The following FMNL3 variants were observed in gnomAD, a reference collection of about 807,000 sequenced individuals.
The protein encoded by FMNL3 is formin like 3.
A neutral mutation model predicts 119.6 loss-of-function variants in FMNL3; 57 were observed. The ratio of observed to expected loss-of-function variants is 0.48; its 90% CI spans 0.39 to 0.59. The LOEUF is 0.59. Ranked by LOEUF, FMNL3 falls within the 20% of genes least tolerant of loss-of-function variation. The probability of loss-of-function intolerance (pLI) is 0.00; values close to 1 mark genes in which losing one functional copy is unlikely to be tolerated. For missense variants in FMNL3, 1,053 were observed against 1,323.5 expected (o/e 0.80, Z 3.17); for synonymous variants, 491 against 507.3 (o/e 0.97, Z 0.43).
chr12:49,702,488 C>T (rs1261253645), intron 1 of FMNL3, among the ~76,000 whole-genome samples: 1 of 152,118 alleles, frequency 6.6e-6, no homozygotes, highest in Non-Finnish European at 1.5e-5. Flanking sequence ...TTAGTCTTTT[C>T]TTCTTTCTGA....
chr12:49,702,565 A>G (rs919548882), intron 1 of FMNL3, among the ~76,000 whole-genome samples: 1 of 152,180 alleles, frequency 6.6e-6, no homozygotes, highest in Non-Finnish European at 1.5e-5. Context: ...AACAAAACAA[A>G]AAAACGCTGA....
intron 1 of FMNL3, among the ~76,000 whole-genome samples, chr12:49,681,286 C>T (rs1450192416): frequency 2.0e-5 from 3 of 152,020 alleles, no homozygotes; most frequent in African/African-American, 4.8e-5. Context: ...CTGCAAGCTC[C>T]GCCTCCCGGG....
intron 1 of FMNL3, among the ~76,000 whole-genome samples, chr12:49,693,636 G>C (rs10875965): frequency 3.2e-5 from 2 of 63,362 alleles, no homozygotes; most frequent in Non-Finnish European, 6.4e-5. Flanking sequence ...CCCAATCTTG[G>C]TTTTTTTTTT....
At chr12:49,675,489 A>G (rs1352701745) in intron 1 of FMNL3, among the ~76,000 whole-genome samples, 1 of 152,118 alleles carries the variant, frequency 6.6e-6, no homozygotes. Context: ...GGGGAGCCCA[A>G]TGGGCAGTGC....
intron 25 of FMNL3, 78 bp downstream of exon 25, chr12:49,646,808 G>C: frequency 1.9e-6 from 3 of 1,605,858 alleles, no homozygotes; most frequent in Non-Finnish European, 2.6e-6. Flanking sequence ...TGGGGTGGGA[G>C]GAGAGCCCAA....
chr12:49,675,414 C>A (rs2138911056), intron 1 of FMNL3, among the ~76,000 whole-genome samples: 1 of 152,306 alleles, frequency 6.6e-6, no homozygotes, highest in East Asian at 1.9e-4. Flanking sequence ...TGGGGCAGAG[C>A]CTCGCATTCT....
Position 49,648,315 on chromosome 12 carries a change from C to G in FMNL3, c.2554G>C (p.Gly852Arg). The G allele has an allele frequency of 6.2e-7, 1 of 1,613,520 alleles. No individual in the cohort carries two copies. Among genetic ancestry groups the G allele is most frequent in the African/African-American group, 1.3e-5 (1 of 75,006 alleles). Reference sequence around the variant, plus strand: ...CGCCGAATCAGCTCCATGCCCCGGCCCAGCTCCTTCACGTCCAGCAGCACG... The same window carrying G: ...CGCCGAATCAGCTCCATGCCCCGGCGCAGCTCCTTCACGTCCAGCAGCACG... Reference protein sequence around the residue: ...ENVLLDVKELGRGMELIRREC... With the variant: ...ENVLLDVKELRRGMELIRREC... The change falls in exon 22 of 26, where the codon GGC becomes CGC. Residue 852 changes from glycine (G) to arginine (R), a missense_variant. By Grantham distance (125) the Gly-to-Arg change is moderately radical. Coordinates refer to ENST00000335154, the MANE Select transcript of FMNL3 (RefSeq NM_175736.5).
intron 1 of FMNL3, among the ~76,000 whole-genome samples, chr12:49,686,578 C>CAAAAA (rs746062262): frequency 1.6e-5 from 1 of 61,902 alleles, no homozygotes; most frequent in Admixed American, 2.0e-4. Flanking sequence ...ACTTCATCTC[C>CAAAAA]AAAAAAAAAA....
chr12:49,666,540 G>A (rs1943895489), intron 2 of FMNL3, among the ~76,000 whole-genome samples: 1 of 152,186 alleles, frequency 6.6e-6, no homozygotes, highest in South Asian at 2.1e-4. Flanking sequence ...AGATATAATT[G>A]ATTGCGCTTG....
At position 49,658,445 on chromosome 12, in the gene FMNL3, A is replaced by AG; in HGVS notation, c.601dup (p.Leu201ProfsTer4). 6.2e-7 allele frequency: 1 copy of AG among 1,601,224 alleles called. No individual in the cohort carries two copies. Among genetic ancestry groups the AG allele is most frequent in the Non-Finnish European group, 8.5e-7 (1 of 1,172,382 alleles). On this transcript the variant is annotated frameshift_variant, in exon 6 of 26. Transcript: ENST00000335154. LOFTEE classifies it high-confidence loss of function. Reference sequence around the variant, plus strand: ...GGCAGAGCAAAAGCACACATACCGGAGCACAGACTGGCGCGCAGAGCGAGC... The same window carrying AG: ...GGCAGAGCAAAAGCACACATACCGGAGGCACAGACTGGCGCGCAGAGCGAGC...
chr12:49,647,138 C>A lies in FMNL3; in HGVS notation c.2872-129G>T, dbSNP rs1943228054. 2 of 1,558,494 alleles carry A rather than the reference C, an allele frequency of 1.3e-6. No individual in the cohort carries two copies. The highest frequency in any genetic ancestry group is 1.8e-6 in the Non-Finnish European group (2 of 1,141,400). On this transcript the variant is annotated intron_variant, in intron 24 of 25. Coordinates refer to ENST00000335154, the MANE Select transcript of FMNL3 (RefSeq NM_175736.5). The surrounding 1 kb of genome is among the most constrained non-coding windows in gnomAD (Gnocchi z 4.9). Reference sequence around the variant, plus strand: ...TAGGAATCCCCAAAGGCCCTCCCTCCATCCCTCTGGATGCCAGCCCACTGG... The same window carrying A: ...TAGGAATCCCCAAAGGCCCTCCCTCAATCCCTCTGGATGCCAGCCCACTGG...
chr12:49,644,222 G>C lies in FMNL3; in HGVS notation c.*1593C>G, dbSNP rs1468779154. 2 of 1,611,054 alleles carry C rather than the reference G, an allele frequency of 1.2e-6. No individual in the cohort carries two copies. Among genetic ancestry groups the C allele is most frequent in the Non-Finnish European group, 1.7e-6 (2 of 1,177,564 alleles). On this transcript the variant is annotated 3_prime_UTR_variant, in exon 26 of 26. Transcript: ENST00000335154. ...ATGAGCTGTTCTCTGCCTCGGGTCTGTGTGAGGCCATGGCTCCTGGGCCAC... is the reference window on the plus strand; with the variant it reads ...ATGAGCTGTTCTCTGCCTCGGGTCTCTGTGAGGCCATGGCTCCTGGGCCAC...
At chr12:49,702,726 C>T (rs1693056449) in intron 1 of FMNL3, among the ~76,000 whole-genome samples, 1 of 152,146 alleles carries the variant, frequency 6.6e-6, no homozygotes, top group Admixed American at 6.5e-5. Flanking sequence ...AGGGTCTTCT[C>T]TGTGGGGTCT....
In FMNL3 at chr12:49,707,313, C is replaced by CCCTCGA; in HGVS notation, c.-134_-133insTCGAGG. ...CGACTCCTCGGCCCCGTCGAGGGCG[C>CCCTCGA]CGGGGGTTCCCTGGAGTCCCGCTGG... On this transcript the variant is annotated 5_prime_UTR_variant, in exon 1 of 26. Coordinates refer to ENST00000335154, the MANE Select transcript of FMNL3 (RefSeq NM_175736.5). The CCCTCGA allele has an allele frequency of 1.2e-6, 1 of 834,444 alleles. No individual in the cohort carries two copies. Among genetic ancestry groups the CCCTCGA allele is most frequent in the Non-Finnish European group, 1.7e-6 (1 of 594,014 alleles). 51.7% of individuals were successfully genotyped at this position (834,444 alleles called of 1,614,324 possible).
At chr12:49,659,779 C>T (rs1416959808) in intron 5 of FMNL3, 1 of 985,308 alleles carries the variant, frequency 1.0e-6, no homozygotes, top group Admixed American at 6.2e-5. Flanking sequence ...CTCACAGGGA[C>T]TCCTCTCTTA....
At position 49,683,392 on chromosome 12, in the gene FMNL3, T is replaced by C. The variant is rs377281587; in HGVS notation, c.127-14838A>G. Among the ~76,000 whole-genome samples the C allele has an allele frequency of 1.1e-3, 163 of 152,280 alleles. 1 individual carries two copies. The highest frequency in any genetic ancestry group is 3.7e-3 in the African/African-American group (155 of 41,554). On this transcript the variant is annotated intron_variant, in intron 1 of 25. Coordinates refer to ENST00000335154, the MANE Select transcript of FMNL3 (RefSeq NM_175736.5). The stretch of plus-strand genomic sequence containing the variant: ...AGGTATTTCTTCTACTGTGTTCCCT[T>C]GTTAGAGTAGTTAACTCTAATCTAG...
At chr12:49,695,802 A>G (rs890585912) in intron 1 of FMNL3, among the ~76,000 whole-genome samples, 4 of 149,100 alleles carry the variant, frequency 2.7e-5, no homozygotes, top group Non-Finnish European at 5.9e-5. Flanking sequence ...CCGAGCAGTC[A>G]AAAAAGGTAC....
Position 49,649,359 on chromosome 12 carries a change from G to A in FMNL3, c.2305-20C>T. ...TATGATCTGTCCAAAGAATGTGTGGGAGGCAGGTCAGGCTCAGGTCCTGAA... is the reference window on the plus strand; with the variant it reads ...TATGATCTGTCCAAAGAATGTGTGGAAGGCAGGTCAGGCTCAGGTCCTGAA... On this transcript the variant is annotated intron_variant, in intron 19 of 25. Transcript: ENST00000335154. This position sits in a 1 kb window ranked among gnomAD's most constrained non-coding sequence, Gnocchi z 5.6. The A allele has an allele frequency of 1.2e-6, 2 of 1,614,104 alleles. No homozygotes were observed. Among genetic ancestry groups the A allele is most frequent in the Non-Finnish European group, 1.7e-6 (2 of 1,180,004 alleles).
chr12:49,677,281 A>G (rs539887713), intron 1 of FMNL3, among the ~76,000 whole-genome samples: 70 of 152,308 alleles, frequency 4.6e-4, no homozygotes, highest in African/African-American at 1.6e-3. Context: ...GACAATCAAT[A>G]TATATGTTTA....
Sources: gnomAD v4.1 joint callset for allele counts (sites outside exome capture counted in the v4.1 genomes callset) on GRCh38, gnomAD v4.1.1 for gene constraint, Gnocchi (gnomAD v3.1) non-coding constraint, MANE v1.5 for transcripts, NCBI Gene and HGNC (gene_info 2026-07-23, HGNC 2026-07-21) for gene names.